The following GTF2IRD1 variants were observed in gnomAD, a reference collection of about 807,000 sequenced individuals.
GTF2IRD1 encodes the protein general transcription factor II-I repeat domain-containing protein 1.
In GTF2IRD1, 26 loss-of-function variants were observed where a neutral mutation model predicts 113.2. The ratio of observed to expected loss-of-function variants is 0.23; its 90% confidence interval spans 0.17 to 0.32. The LOEUF (loss-of-function observed/expected upper bound fraction) is 0.32. Among genes scored for constraint, GTF2IRD1 ranks in the 10% least tolerant of loss-of-function variants. The pLI is 1.00. For synonymous variants in GTF2IRD1, 484 were observed against 529.1 expected (o/e 0.91, Z 1.17); for missense variants, 864 against 1,280.8 (o/e 0.67, Z 4.97).
intron 7 of GTF2IRD1, among the ~76,000 whole-genome samples, chr7:74,522,022 G>T (rs1446972174): frequency 1.3e-5 from 2 of 152,098 alleles, no homozygotes; most frequent in African/African-American, 4.8e-5. Context: ...CCCACCATGT[G>T]GGCTAGCCTT....
intron 22 of GTF2IRD1, among the ~76,000 whole-genome samples, chr7:74,568,627 G>A (rs1800490430): frequency 1.3e-5 from 2 of 152,054 alleles, no homozygotes; most frequent in African/African-American, 2.4e-5. Context: ...CAGCCTGTGC[G>A]ACAGAGCGAG....
chr7:74,487,074 G>T (rs1795071757), intron 1 of GTF2IRD1, among the ~76,000 whole-genome samples: 1 of 152,212 alleles, frequency 6.6e-6, no homozygotes, highest in African/African-American at 2.4e-5. Flanking sequence ...TGGAGTCTCT[G>T]TCACCCAGGT....
chr7:74,587,642 G>A (rs1801793872), intron 22 of GTF2IRD1, among the ~76,000 whole-genome samples: 1 of 151,864 alleles, frequency 6.6e-6, no homozygotes, highest in Non-Finnish European at 1.5e-5. Context: ...TTTCCTGTTG[G>A]ACATGCAAAC....
chr7:74,497,209 A>T (rs989590431), intron 1 of GTF2IRD1, among the ~76,000 whole-genome samples: 4 of 152,192 alleles, frequency 2.6e-5, no homozygotes, highest in African/African-American at 9.7e-5. Flanking sequence ...ACAATTCAAC[A>T]GTTCCACCTC....
chr7:74,474,081 A>C (rs565884174), intron 1 of GTF2IRD1, among the ~76,000 whole-genome samples: 36 of 29,496 alleles, frequency 1.2e-3, no homozygotes, highest in African/African-American at 2.1e-3. Context: ...AAAAAAAAAA[A>C]CAAACAAAAA....
intron 9 of GTF2IRD1, among the ~76,000 whole-genome samples, chr7:74,530,479 T>C (rs1554348518): frequency 6.8e-6 from 1 of 147,796 alleles, no homozygotes; most frequent in Admixed American, 6.8e-5. Context: ...TCTGGCCTAA[T>C]CAGGCACTTT....
At chr7:74,546,326 A>G (rs587704489) in intron 16 of GTF2IRD1, among the ~76,000 whole-genome samples, 2 of 150,700 alleles carry the variant, frequency 1.3e-5, no homozygotes, top group East Asian at 3.9e-4. Context: ...GGTTCAAGAA[A>G]TTCTCCTGCC....
chr7:74,540,086 A>G (rs1798547468), intron 14 of GTF2IRD1, 118 bp downstream of exon 14: 1 of 690,608 alleles, frequency 1.4e-6, no homozygotes, highest in African/African-American at 1.8e-5. Flanking sequence ...GTAGTAGAGG[A>G]AACCCAATAT....
At chr7:74,492,548 C>T (rs781939051) in intron 1 of GTF2IRD1, among the ~76,000 whole-genome samples, 4 of 152,094 alleles carry the variant, frequency 2.6e-5, no homozygotes, top group East Asian at 1.9e-4. Context: ...TTGTGATTTG[C>T]ATTTCACTCA....
At chr7:74,516,276 C>G (rs1554344590) in intron 4 of GTF2IRD1, among the ~76,000 whole-genome samples, 1 of 152,244 alleles carries the variant, frequency 6.6e-6, no homozygotes, top group Non-Finnish European at 1.5e-5. Context: ...GTGCCCTGTC[C>G]CCTCTCCAGC....
chr7:74,592,676 A>G (rs1157456425), intron 24 of GTF2IRD1, among the ~76,000 whole-genome samples: 2 of 151,812 alleles, frequency 1.3e-5, no homozygotes, highest in East Asian at 1.9e-4. Flanking sequence ...CTGGGATTAC[A>G]GGCATGTGCC....
At chr7:74,535,066 T>C in intron 9 of GTF2IRD1, 47 bp from the exon 10 acceptor site, 1 of 1,567,564 alleles carries the variant, frequency 6.4e-7, no homozygotes, top group African/African-American at 1.4e-5. Flanking sequence ...CCTGGGAGAG[T>C]CCTCCAGCCT....
At chr7:74,511,609 G>A (rs1221969524) in intron 2 of GTF2IRD1, among the ~76,000 whole-genome samples, 2 of 152,332 alleles carry the variant, frequency 1.3e-5, no homozygotes, top group African/African-American at 2.4e-5. Context: ...CTGGCCCCAC[G>A]CCGCGTGCAC....
In GTF2IRD1 at chr7:74,547,131, C is replaced by T; in HGVS notation, c.1761C>T (p.Val587=). 6.2e-7 allele frequency: 1 copy of T among 1,613,292 alleles called. No homozygotes were observed. The change falls in exon 17 of 27, where the codon GTC becomes GTT. Residue 587 remains valine (V), a synonymous_variant. Transcript: ENST00000424337. ...AGGCCATTGGCATCTCGGAGCCCGT[C>T]AAGGTGCCGTACTCCAAGTTTCTGA... ...YAKAIGISEP[V]KVPYSKFLMH...
intron 22 of GTF2IRD1, among the ~76,000 whole-genome samples, chr7:74,584,184 G>A (rs781897960): frequency 9.9e-5 from 15 of 152,046 alleles, no homozygotes; most frequent in Admixed American, 2.6e-4. Flanking sequence ...GCCTGGGTAC[G>A]GTGGCTCACA....
At chr7:74,454,436 C>T (rs1408381005) in intron 1 of GTF2IRD1, among the ~76,000 whole-genome samples, 4 of 151,920 alleles carry the variant, frequency 2.6e-5, no homozygotes, top group Admixed American at 2.0e-4. Flanking sequence ...CACCCCCTCC[C>T]TCCTTGCCAC....
At chr7:74,557,140 G>A (rs1799648586) in intron 19 of GTF2IRD1, among the ~76,000 whole-genome samples, 2 of 152,180 alleles carry the variant, frequency 1.3e-5, no homozygotes, top group South Asian at 4.1e-4. Context: ...CAGCTACTCA[G>A]AAGGCTGAAG....
intron 1 of GTF2IRD1, among the ~76,000 whole-genome samples, chr7:74,465,983 C>A (rs1554330720): frequency 6.6e-6 from 1 of 152,198 alleles, no homozygotes; most frequent in Non-Finnish European, 1.5e-5. Context: ...GTTGCCCAGG[C>A]TGGTCTTGAA....
chr7:74,468,941 C>T (rs150649557), intron 1 of GTF2IRD1, among the ~76,000 whole-genome samples: 3,002 of 151,632 alleles, frequency 0.02, 162 homozygotes, highest in Admixed American at 0.12. Flanking sequence ...AAAAATTAGC[C>T]GGGCGTGATG....
Sources: gnomAD v4.1 joint callset for allele counts (sites outside exome capture counted in the v4.1 genomes callset) on GRCh38, gnomAD v4.1.1 for gene constraint, MANE v1.5 for transcripts, NCBI Gene and HGNC (gene_info 2026-07-23, HGNC 2026-07-21) for gene names.